The following CNTN5 variants were observed in gnomAD, a reference collection of about 807,000 sequenced individuals.
The protein encoded by CNTN5 is contactin 5.
In CNTN5, 77 loss-of-function variants were observed where a neutral mutation model predicts 129.1. That is an observed-to-expected ratio of 0.60 (90% CI 0.50 to 0.72). CNTN5 has a LOEUF of 0.72. Among genes scored for constraint, CNTN5 ranks in the 30% least tolerant of loss-of-function variants. The pLI is 0.00. For synonymous variants in CNTN5, 509 were observed against 465.6 expected (o/e 1.09, Z -1.20); for missense variants, 1,478 against 1,328.8 (o/e 1.11, Z -1.75).
At chr11:99,047,772 T>C (rs777308764) in intron 1 of CNTN5, among the ~76,000 whole-genome samples, 4 of 152,076 alleles carry the variant, frequency 2.6e-5, no homozygotes, top group Non-Finnish European at 4.4e-5. Flanking sequence ...ACAGCTCATA[T>C]ACAAATTAAA....
intron 20 of CNTN5, among the ~76,000 whole-genome samples, chr11:100,303,285 A>G (rs1032726576): frequency 6.6e-6 from 1 of 151,612 alleles, no homozygotes; most frequent in Non-Finnish European, 1.5e-5. Context: ...AAACAATTCC[A>G]TTTTTAAAAA....
At chr11:99,977,547 T>C (rs2137338068) in intron 8 of CNTN5, among the ~76,000 whole-genome samples, 1 of 152,330 alleles carries the variant, frequency 6.6e-6, no homozygotes, top group Middle Eastern at 3.4e-3. Context: ...CTTACAATCA[T>C]GGCAGAATGC....
At chr11:99,475,171 C>T (rs544999602) in intron 2 of CNTN5, among the ~76,000 whole-genome samples, 5 of 152,012 alleles carry the variant, frequency 3.3e-5, no homozygotes, top group South Asian at 4.1e-4. Context: ...ATCCACCCTC[C>T]CTCTTTACTG....
At chr11:100,180,173 G>A (rs769565662) in intron 13 of CNTN5, among the ~76,000 whole-genome samples, 98 of 143,114 alleles carry the variant, frequency 6.8e-4, no homozygotes, top group African/African-American at 2.6e-3. Context: ...CTATCTTGAC[G>A]AAGAACAAAG....
intron 2 of CNTN5, among the ~76,000 whole-genome samples, chr11:99,342,555 C>T (rs887107276): frequency 2.4e-4 from 26 of 109,412 alleles, no homozygotes; most frequent in African/African-American, 9.3e-4. Context: ...GGCAACATGG[C>T]GAAACCCCGT....
intron 16 of CNTN5, among the ~76,000 whole-genome samples, chr11:100,238,992 C>G (rs1236567746): frequency 6.6e-6 from 1 of 152,164 alleles, no homozygotes; most frequent in Non-Finnish European, 1.5e-5. Context: ...ATAGGCTTGG[C>G]ATAATTGGGT....
At chr11:99,407,771 G>A (rs1466063652) in intron 2 of CNTN5, among the ~76,000 whole-genome samples, 1 of 152,154 alleles carries the variant, frequency 6.6e-6, no homozygotes. Flanking sequence ...CCCTCACTAG[G>A]ACTCATTTGA....
intron 1 of CNTN5, among the ~76,000 whole-genome samples, chr11:99,211,636 AG>A (rs11350655): frequency 0.12 from 18,230 of 150,680 alleles, 1,510 homozygotes; most frequent in East Asian, 0.4. Context: ...CTCTTATTTT[AG>A]GTTCTTATTT....
chr11:100,282,956 C>T (rs1235180841), intron 18 of CNTN5, among the ~76,000 whole-genome samples: 1 of 152,162 alleles, frequency 6.6e-6, no homozygotes, highest in Non-Finnish European at 1.5e-5. Flanking sequence ...GCGAATGGTG[C>T]CTGGCCTAGA....
At chr11:99,465,816 G>C (rs1346191991) in intron 2 of CNTN5, among the ~76,000 whole-genome samples, 1 of 151,636 alleles carries the variant, frequency 6.6e-6, no homozygotes, top group Non-Finnish European at 1.5e-5. Context: ...GGGGGAAGCA[G>C]GCATGTCTTA....
chr11:100,325,210 A>G (rs2138971493), intron 21 of CNTN5, among the ~76,000 whole-genome samples: 2 of 152,278 alleles, frequency 1.3e-5, no homozygotes, highest in East Asian at 3.9e-4. Context: ...TGTAAAAAGC[A>G]ATCTAACCAC....
chr11:99,911,457 GT>G (rs1949657022), intron 6 of CNTN5, among the ~76,000 whole-genome samples: 2 of 151,912 alleles, frequency 1.3e-5, no homozygotes, highest in South Asian at 4.2e-4. Flanking sequence ...CAACCACAGC[GT>G]TTTACTTCTA....
intron 2 of CNTN5, among the ~76,000 whole-genome samples, chr11:99,331,438 A>G (rs1865995122): frequency 6.6e-6 from 1 of 152,152 alleles, no homozygotes; most frequent in South Asian, 2.1e-4. Flanking sequence ...GAAATTGGTA[A>G]TAATTTAATT....
At chr11:99,620,082 A>G (rs909814990) in intron 3 of CNTN5, among the ~76,000 whole-genome samples, 5 of 151,852 alleles carry the variant, frequency 3.3e-5, no homozygotes, top group Non-Finnish European at 5.9e-5. Context: ...AGCAATGTTA[A>G]TCTATAATTA....
chr11:100,196,182 G>A (rs946093097), intron 15 of CNTN5, among the ~76,000 whole-genome samples: 1 of 151,976 alleles, frequency 6.6e-6, no homozygotes, highest in East Asian at 1.9e-4. Flanking sequence ...GCCTATGATT[G>A]GAGCACTGTC....
intron 6 of CNTN5, among the ~76,000 whole-genome samples, chr11:99,864,340 C>T (rs1948297517): frequency 6.6e-6 from 1 of 152,032 alleles, no homozygotes. Flanking sequence ...GCCTTCTCTT[C>T]CTGCCACTCA....
rs541005947 is a variant in CNTN5 at position 99,444,397 on chromosome 11, T to A, written c.-70-111748T>A. ...TTGTGATGTTTAACAAACAAGCAAATATCCTAGTTAAAAATGATGGCATAT... is the reference window on the plus strand; with the variant it reads ...TTGTGATGTTTAACAAACAAGCAAAAATCCTAGTTAAAAATGATGGCATAT... On this transcript the variant is annotated intron_variant, in intron 2 of 24. Transcript: ENST00000524871. Among the ~76,000 whole-genome samples, 42 of 152,294 alleles carry A rather than the reference T, an allele frequency of 2.8e-4. No individual in the cohort carries two copies. The East Asian group carries it at 4.1e-3, about 15-fold the overall frequency.
chr11:100,084,410 T>C (rs1027210529), intron 13 of CNTN5, among the ~76,000 whole-genome samples: 2 of 152,114 alleles, frequency 1.3e-5, no homozygotes, highest in African/African-American at 4.8e-5. Flanking sequence ...AAAAAAAGCA[T>C]TGTACGGTCG....
At chr11:99,146,438 T>A (rs1859789101) in intron 1 of CNTN5, among the ~76,000 whole-genome samples, 3 of 152,126 alleles carry the variant, frequency 2.0e-5, no homozygotes, top group Admixed American at 2.0e-4. Flanking sequence ...GATCTCCAAA[T>A]TTTAACCTAC....
Sources: gnomAD v4.1 joint callset for allele counts (sites outside exome capture counted in the v4.1 genomes callset) on GRCh38, gnomAD v4.1.1 for gene constraint, MANE v1.5 for transcripts, NCBI Gene and HGNC (gene_info 2026-07-23, HGNC 2026-07-21) for gene names.